MAD1L1: variants seen among roughly 807,000 people sequenced by gnomAD.
MAD1L1 encodes mitotic spindle assembly checkpoint protein MAD1.
In MAD1L1, 95 loss-of-function variants were observed where a neutral mutation model predicts 96.9. The observed-to-expected ratio is 0.98, with a 90% confidence interval of 0.83 to 1.16. The LOEUF (loss-of-function observed/expected upper bound fraction) is 1.16. Among genes scored for constraint, MAD1L1 ranks in the 50% most tolerant of loss-of-function variants. MAD1L1 has a pLI of 0.00. For missense variants in MAD1L1, 1,007 were observed against 954.4 expected (o/e 1.06, Z -0.73); for synonymous variants, 473 against 396.6 (o/e 1.19, Z -2.29).
At chr7:1,856,123 T>C (rs1158861867) in intron 18 of MAD1L1, among the ~76,000 whole-genome samples, 4 of 152,138 alleles carry the variant, frequency 2.6e-5, no homozygotes, top group Admixed American at 6.5e-5. Context: ...TTTCAACGTA[T>C]GGATTTTAGA....
intron 18 of MAD1L1, among the ~76,000 whole-genome samples, chr7:1,833,972 G>A (rs73286641): frequency 0.054 from 8,262 of 152,190 alleles, 536 homozygotes; most frequent in African/African-American, 0.15. Flanking sequence ...GATTTAGACC[G>A]TTCCGAGAAT....
At chr7:2,104,833 G>A (rs1181609134) in intron 11 of MAD1L1, among the ~76,000 whole-genome samples, 4 of 152,328 alleles carry the variant, frequency 2.6e-5, no homozygotes, top group Middle Eastern at 3.4e-3. Flanking sequence ...ACGCCAGGCC[G>A]TGCACAGCCA....
intron 11 of MAD1L1, among the ~76,000 whole-genome samples, chr7:2,112,412 C>CT (rs1787428419): frequency 6.6e-6 from 1 of 152,184 alleles, no homozygotes; most frequent in African/African-American, 2.4e-5. Flanking sequence ...GGAAACACAA[C>CT]GGCACCCACG....
At chr7:1,952,388 G>T (rs921164639) in intron 16 of MAD1L1, among the ~76,000 whole-genome samples, 1 of 152,202 alleles carries the variant, frequency 6.6e-6, no homozygotes, top group African/African-American at 2.4e-5. Context: ...AGGAGCCCTT[G>T]GTCCCGCCAG....
At chr7:2,013,529 C>T (rs747354588) in intron 13 of MAD1L1, among the ~76,000 whole-genome samples, 1 of 152,230 alleles carries the variant, frequency 6.6e-6, no homozygotes, top group Non-Finnish European at 1.5e-5. Context: ...GAGCGAAATT[C>T]GGATCACAAC....
intron 11 of MAD1L1, among the ~76,000 whole-genome samples, chr7:2,120,387 C>T (rs1179762757): frequency 6.6e-6 from 1 of 152,254 alleles, no homozygotes; most frequent in Non-Finnish European, 1.5e-5. Context: ...CAGCCAGCAC[C>T]ACCTTCTGAG....
chr7:1,845,739 C>G (rs560343119), intron 18 of MAD1L1: 1 of 152,320 alleles, frequency 6.6e-6, no homozygotes, highest in Non-Finnish European at 1.5e-5. Flanking sequence ...AGACACGCGT[C>G]GGGTTCCGGC....
rs1397628815 is a variant in MAD1L1 at position 2,210,472 on chromosome 7, CCGCCAGCCCGCA to C, written c.986+2728_986+2739del. Among the ~76,000 whole-genome samples the C allele has an allele frequency of 1.4e-4, 18 of 129,230 alleles. 2 individuals carry two copies. Among genetic ancestry groups the C allele is most frequent in the East Asian group, 2.3e-4 (1 of 4,256 alleles). 84.8% of individuals were successfully genotyped at this position (129,230 alleles called of 152,430 possible). ...GACTCTCTAGGAGCCGTATTCGGGA[CCGCCAGCCCGCA>C]TTCCCGTGGACTCTCTAGGAGCCGT... On this transcript the variant is annotated intron_variant, in intron 10 of 18. Transcript: ENST00000265854.
At chr7:2,220,522 G>C (rs1433881255) in intron 5 of MAD1L1, among the ~76,000 whole-genome samples, 1 of 152,216 alleles carries the variant, frequency 6.6e-6, no homozygotes, top group Non-Finnish European at 1.5e-5. Flanking sequence ...CGGGCGTGAT[G>C]TCAGCCCTGG....
intron 8 of MAD1L1, 21 bp from the exon 9 acceptor site, chr7:2,216,020 C>G: frequency 6.2e-7 from 1 of 1,613,172 alleles, no homozygotes; most frequent in Non-Finnish European, 8.5e-7. Flanking sequence ...CACAAAGAGT[C>G]GCTCAAATAG....
At chr7:2,143,708 C>G (rs749889454) in intron 11 of MAD1L1, among the ~76,000 whole-genome samples, 2 of 152,124 alleles carry the variant, frequency 1.3e-5, no homozygotes, top group Non-Finnish European at 2.9e-5. Flanking sequence ...CCAGGACATG[C>G]CAGCCTTGTG....
intron 18 of MAD1L1, among the ~76,000 whole-genome samples, chr7:1,852,801 G>C (rs1398706219): frequency 6.6e-6 from 1 of 152,176 alleles, no homozygotes; most frequent in Non-Finnish European, 1.5e-5. Flanking sequence ...CGCCCTGCTG[G>C]GACCCTCGGG....
chr7:2,152,754 A>G lies in MAD1L1; in HGVS notation c.987-3516T>C, dbSNP rs536194834. Among the ~76,000 whole-genome samples, 61 of 152,242 alleles carry G rather than the reference A, an allele frequency of 4.0e-4. 2 individuals are homozygous for G. In the South Asian group the frequency reaches 0.012, roughly 31 times the overall value. On this transcript the variant is annotated intron_variant, in intron 10 of 18. Coordinates refer to ENST00000265854, the MANE Select transcript of MAD1L1 (RefSeq NM_001013836.2). ...GGCACAGGTACAGTGCACTGCTATT[A>G]CCTGACAATCCCTATGCCGTTAACT...
In MAD1L1 at chr7:2,191,101, T is replaced by C. The variant is rs531033611; in HGVS notation, c.986+22111A>G. On this transcript the variant is annotated intron_variant, in intron 10 of 18. Coordinates refer to ENST00000265854, the MANE Select transcript of MAD1L1 (RefSeq NM_001013836.2). Reference sequence around the variant, plus strand: ...CGTTCGATATAACAAGGACAACCGATACAAGCAACAAATGTGAATGAATGC... The same window carrying C: ...CGTTCGATATAACAAGGACAACCGACACAAGCAACAAATGTGAATGAATGC... Among the ~76,000 whole-genome samples, 6 of 152,324 alleles carry C rather than the reference T, an allele frequency of 3.9e-5. No individual in the cohort carries two copies. The East Asian group carries it at 1.2e-3, about 29-fold the overall frequency.
intron 18 of MAD1L1, among the ~76,000 whole-genome samples, chr7:1,839,217 G>T (rs1299978941): frequency 2.0e-5 from 3 of 152,150 alleles, no homozygotes; most frequent in Non-Finnish European, 2.9e-5. Flanking sequence ...AGGGCTTGGT[G>T]GGAGGGCGGG....
intron 18 of MAD1L1, among the ~76,000 whole-genome samples, chr7:1,864,614 C>A (rs1784690374): frequency 6.6e-6 from 1 of 152,240 alleles, no homozygotes; most frequent in Non-Finnish European, 1.5e-5. Flanking sequence ...CGGTGCCCTT[C>A]CCCCATGCGG....
chr7:1,855,309 C>A (rs949826854), intron 18 of MAD1L1, among the ~76,000 whole-genome samples: 1 of 152,012 alleles, frequency 6.6e-6, no homozygotes, highest in Non-Finnish European at 1.5e-5. Context: ...GGTTCTCTCC[C>A]TAGGGTTGCT....
intron 9 of MAD1L1, 83 bp downstream of exon 9, chr7:2,215,802 T>A: frequency 3.2e-6 from 4 of 1,255,818 alleles, no homozygotes; most frequent in Non-Finnish European, 4.7e-6. Context: ...GGTGAGCAGC[T>A]GGTGGGCGTG....
At chr7:1,851,354 G>A (rs772446587) in intron 18 of MAD1L1, among the ~76,000 whole-genome samples, 11 of 152,206 alleles carry the variant, frequency 7.2e-5, no homozygotes, top group Non-Finnish European at 1.0e-4. Flanking sequence ...CTGCACGTTC[G>A]TCCTGGAGAT....
Sources: allele counts gnomAD v4.1 joint callset (sites outside exome capture counted in the v4.1 genomes callset), GRCh38; gene constraint gnomAD v4.1.1; transcripts MANE v1.5; gene names NCBI Gene and HGNC (gene_info 2026-07-23, HGNC 2026-07-21).